THSD7B: variants seen among roughly 807,000 people sequenced by gnomAD.
THSD7B encodes thrombospondin type-1 domain-containing protein 7B.
Under a neutral mutation model 213.6 loss-of-function variants are expected in THSD7B, and 138 were observed. That is an observed-to-expected ratio of 0.65 (90% CI 0.56 to 0.74). THSD7B has a LOEUF of 0.74. THSD7B is among the 30% of genes least tolerant of loss of function. THSD7B has a pLI of 0.00. For missense variants in THSD7B, 1,931 were observed against 1,991.5 expected (o/e 0.97, Z 0.58); for synonymous variants, 742 against 687.0 (o/e 1.08, Z -1.25).
At chr2:137,310,079 C>T (rs1215308145) in intron 12 of THSD7B, among the ~76,000 whole-genome samples, 1 of 151,632 alleles carries the variant, frequency 6.6e-6, no homozygotes, top group Non-Finnish European at 1.5e-5. Flanking sequence ...GAGGAATCGC[C>T]ACACTGACTT....
At chr2:136,846,399 T>C (rs565606340) in intron 1 of THSD7B, among the ~76,000 whole-genome samples, 5 of 152,318 alleles carry the variant, frequency 3.3e-5, no homozygotes, top group African/African-American at 1.2e-4. Flanking sequence ...AATGTGATCA[T>C]TTTGTTCATT....
chr2:137,215,100 T>G (rs1438289684), intron 7 of THSD7B, among the ~76,000 whole-genome samples: 1 of 152,170 alleles, frequency 6.6e-6, no homozygotes, highest in Non-Finnish European at 1.5e-5. Flanking sequence ...ACCTGTTGTT[T>G]CCTGACTTTT....
rs188550611 is a variant in THSD7B, at chr2:137,584,349, G to T, written c.3423+11793G>T. Among the ~76,000 whole-genome samples, 28 of 152,286 alleles carry T rather than the reference G, an allele frequency of 1.8e-4. No homozygotes were observed. In the East Asian group the frequency reaches 4.6e-3, roughly 25 times the overall value. On this transcript the variant is annotated intron_variant, in intron 17 of 27. Coordinates refer to ENST00000409968, the MANE Select transcript of THSD7B (RefSeq NM_001316349.2). ...AGTTATTTCTTTCTCCTGCCTGATT[G>T]CCTTGGCCAGAACTTCCAACACTAT...
chr2:136,933,412 T>C (rs1369020172), intron 2 of THSD7B, among the ~76,000 whole-genome samples: 1 of 151,908 alleles, frequency 6.6e-6, no homozygotes, highest in East Asian at 1.9e-4. Flanking sequence ...CTGCCTCTAC[T>C]AAAAAAGAAT....
chr2:136,799,773 A>G (rs1215110124), intron 1 of THSD7B, among the ~76,000 whole-genome samples: 1 of 151,998 alleles, frequency 6.6e-6, no homozygotes, highest in Non-Finnish European at 1.5e-5. Flanking sequence ...AATGGGATCA[A>G]CATGAATTCT....
chr2:137,028,465 G>A (rs1256139816), intron 2 of THSD7B, among the ~76,000 whole-genome samples: 1 of 152,160 alleles, frequency 6.6e-6, no homozygotes, highest in Non-Finnish European at 1.5e-5. Context: ...CCAGAATGTA[G>A]ATATTACATT....
intron 16 of THSD7B, among the ~76,000 whole-genome samples, chr2:137,567,561 C>T (rs370510978): frequency 5.3e-5 from 8 of 152,024 alleles, no homozygotes; most frequent in Middle Eastern, 6.8e-3. Context: ...TGGTTGGAAT[C>T]GATTTAGTAA....
At chr2:136,790,818 T>C (rs1681953185) in intron 1 of THSD7B, among the ~76,000 whole-genome samples, 1 of 151,968 alleles carries the variant, frequency 6.6e-6, no homozygotes, top group African/African-American at 2.4e-5. Context: ...GTATTACCTC[T>C]AAATAGAGAA....
chr2:136,818,186 G>A (rs1461071716), intron 1 of THSD7B, among the ~76,000 whole-genome samples: 6 of 150,910 alleles, frequency 4.0e-5, no homozygotes, highest in Non-Finnish European at 8.9e-5. Context: ...AGAAAATGTG[G>A]CACATATACA....
At chr2:137,402,446 G>A (rs1174950788) in intron 12 of THSD7B, among the ~76,000 whole-genome samples, 1 of 151,976 alleles carries the variant, frequency 6.6e-6, no homozygotes, top group Non-Finnish European at 1.5e-5. Flanking sequence ...GTTTATCATA[G>A]CTTTTAAATT....
intron 7 of THSD7B, among the ~76,000 whole-genome samples, chr2:137,189,630 T>C (rs2375117): frequency 0.51 from 77,799 of 151,424 alleles, 22,823 homozygotes; most frequent in East Asian, 0.87. Context: ...TCACACTGAC[T>C]TTCTGGTCAC....
At chr2:137,512,034 A>G (rs572891906) in intron 15 of THSD7B, 1 of 152,310 alleles carries the variant, frequency 6.6e-6, no homozygotes, top group African/African-American at 2.4e-5. Flanking sequence ...GGCTTCATGC[A>G]CAAACAATGT....
At chr2:137,175,145 C>T (rs1204462419) in intron 7 of THSD7B, among the ~76,000 whole-genome samples, 1 of 152,144 alleles carries the variant, frequency 6.6e-6, no homozygotes, top group Non-Finnish European at 1.5e-5. Context: ...CTTTCATGTG[C>T]CCACAATGCA....
At chr2:137,453,053 C>T (rs551530841) in intron 15 of THSD7B, among the ~76,000 whole-genome samples, 2 of 151,896 alleles carry the variant, frequency 1.3e-5, no homozygotes, top group African/African-American at 4.8e-5. Flanking sequence ...CAAAAAAGAA[C>T]CCTGTATAAT....
chr2:137,229,197 T>C (rs1448101929), intron 7 of THSD7B, among the ~76,000 whole-genome samples: 1 of 152,220 alleles, frequency 6.6e-6, no homozygotes, highest in Non-Finnish European at 1.5e-5. Context: ...ATCTTGTTCC[T>C]CAAAAGGTTT....
At chr2:136,971,704 A>T (rs1441903445) in intron 2 of THSD7B, among the ~76,000 whole-genome samples, 1 of 150,046 alleles carries the variant, frequency 6.7e-6, no homozygotes, top group African/African-American at 2.4e-5. Context: ...TATATATATT[A>T]TACATATAAT....
chr2:137,442,721 G>A (rs942737514), intron 14 of THSD7B, among the ~76,000 whole-genome samples: 2 of 151,924 alleles, frequency 1.3e-5, no homozygotes, highest in Non-Finnish European at 2.9e-5. Context: ...TTCAAAGTGT[G>A]GTAAAGTGTT....
intron 7 of THSD7B, among the ~76,000 whole-genome samples, chr2:137,179,201 C>T (rs1163012467): frequency 2.0e-5 from 3 of 152,152 alleles, no homozygotes; most frequent in African/African-American, 7.2e-5. Flanking sequence ...GTCACCCTTG[C>T]TATCCTTTTC....
At chr2:136,820,809 T>A (rs1682553478) in intron 1 of THSD7B, among the ~76,000 whole-genome samples, 2 of 152,200 alleles carry the variant, frequency 1.3e-5, no homozygotes, top group South Asian at 4.1e-4. Flanking sequence ...AAGTAAAACA[T>A]TATGATGTTG....
Sources: gnomAD v4.1 joint callset for allele counts (sites outside exome capture counted in the v4.1 genomes callset) on GRCh38, gnomAD v4.1.1 for gene constraint, MANE v1.5 for transcripts, NCBI Gene and HGNC (gene_info 2026-07-23, HGNC 2026-07-21) for gene names.